PIP4P2: variants seen among roughly 807,000 people sequenced by gnomAD.
PIP4P2 encodes type 2 phosphatidylinositol 4,5-bisphosphate 4-phosphatase.
PIP4P2 carries 19 observed loss-of-function variants against 33.3 expected under a neutral mutation model. The ratio of observed to expected loss-of-function variants is 0.57; its 90% CI spans 0.40 to 0.84. The LOEUF is 0.84. Ranked by LOEUF, PIP4P2 falls within the 40% of genes least tolerant of loss-of-function variation. PIP4P2 has a pLI of 0.00. For missense variants in PIP4P2, 270 were observed against 324.7 expected (o/e 0.83, Z 1.29); for synonymous variants, 110 against 111.9 (o/e 0.98, Z 0.11).
At chr8:91,037,253 G>A (rs1206387555) in intron 1 of PIP4P2, among the ~76,000 whole-genome samples, 1 of 152,146 alleles carries the variant, frequency 6.6e-6, no homozygotes, top group Non-Finnish European at 1.5e-5. Flanking sequence ...GTCCCATTTT[G>A]CAGTGCATTT....
rs1047317768 is a variant in PIP4P2, at chr8:90,995,110, C to T, written c.*567G>A. On this transcript the variant is annotated 3_prime_UTR_variant, in exon 7 of 7. Transcript: ENST00000285419. The stretch of plus-strand genomic sequence containing the variant: ...CTACAAACAACAAAAAACAAGCAAA[C>T]AGTATCTAGAAATTTTTTTTCCTCT... 6 of 152,442 alleles carry T rather than the reference C, an allele frequency of 3.9e-5. No individual in the cohort carries two copies. Among genetic ancestry groups the T allele is most frequent in the Admixed American group, 2.0e-4 (3 of 15,274 alleles). The allele number at this position is 152,442 out of a possible 1,614,324, so 9.4% of individuals were successfully genotyped here. A position where few individuals can be genotyped will look rare whatever the true frequency, so the allele number is the denominator to read the frequency against.
intron 1 of PIP4P2, among the ~76,000 whole-genome samples, chr8:91,026,365 C>T (rs1812084744): frequency 6.6e-6 from 1 of 152,086 alleles, no homozygotes; most frequent in Admixed American, 6.6e-5. Flanking sequence ...TGTAGACCCC[C>T]ACACCAAATA....
intron 2 of PIP4P2, 108 bp from the exon 3 acceptor site, chr8:91,020,371 T>C: frequency 6.2e-6 from 6 of 972,038 alleles, no homozygotes; most frequent in Non-Finnish European, 9.6e-6. Context: ...ATGAAATATA[T>C]TGCTTTTGTA....
chr8:91,037,447 C>A (rs991839035), intron 1 of PIP4P2, among the ~76,000 whole-genome samples: 19 of 152,190 alleles, frequency 1.2e-4, no homozygotes, highest in Admixed American at 2.0e-4. Flanking sequence ...AGAAAGCCTT[C>A]CCCGACTCCC....
chr8:91,028,502 T>C (rs1461228342), intron 1 of PIP4P2, among the ~76,000 whole-genome samples: 1 of 152,226 alleles, frequency 6.6e-6, no homozygotes, highest in African/African-American at 2.4e-5. Context: ...TGATAGATGA[T>C]GTCTTAGCCC....
At chr8:91,032,387 A>G (rs1344234115) in intron 1 of PIP4P2, among the ~76,000 whole-genome samples, 1 of 152,190 alleles carries the variant, frequency 6.6e-6, no homozygotes, top group South Asian at 2.1e-4. Context: ...AAGCATAGAA[A>G]CCCTCATAAA....
chr8:91,020,256 T>C lies in PIP4P2; in HGVS notation c.263A>G (p.Lys88Arg). The change falls in exon 3 of 7, where the codon AAA becomes AGA. Residue 88 changes from lysine (K) to arginine (R), a missense_variant. Coordinates refer to ENST00000285419, the MANE Select transcript of PIP4P2 (RefSeq NM_018710.3). ...ATATTTCTTGCCTGTTGGGGGGTTT[T>C]TGATTGGCTGGATAAGGGAAGAAAA... ...CTVCNEATPI[K>R]NPPTGKKYVR... The C allele has an allele frequency of 1.2e-6, 2 of 1,613,698 alleles. No individual in the cohort carries two copies. The highest frequency in any genetic ancestry group is 4.5e-5 in the East Asian group (2 of 44,846).
intron 4 of PIP4P2, among the ~76,000 whole-genome samples, chr8:91,014,083 A>AT (rs1395544082): frequency 6.6e-6 from 1 of 152,204 alleles, no homozygotes; most frequent in African/African-American, 2.4e-5. Context: ...TACCATAAGG[A>AT]TAAAAAAAGA....
chr8:91,009,458 C>A (rs1022235269), intron 4 of PIP4P2, among the ~76,000 whole-genome samples: 2 of 151,916 alleles, frequency 1.3e-5, no homozygotes, highest in African/African-American at 4.8e-5. Context: ...AATCTTTATC[C>A]CATGAAATAT....
intron 1 of PIP4P2, among the ~76,000 whole-genome samples, chr8:91,037,855 T>C (rs534107345): frequency 6.6e-6 from 1 of 152,296 alleles, no homozygotes; most frequent in Non-Finnish European, 1.5e-5. Context: ...AACTACAAAA[T>C]TAGCAGATGT....
chr8:90,996,314 A>C (rs1586172553), intron 6 of PIP4P2, among the ~76,000 whole-genome samples: 1 of 152,222 alleles, frequency 6.6e-6, no homozygotes, highest in East Asian at 1.9e-4. Flanking sequence ...TCTGTAGCTG[A>C]ATGAATATTG....
chr8:90,996,507 A>AT, intron 6 of PIP4P2, 147 bp downstream of exon 6: 1 of 527,086 alleles, frequency 1.9e-6, no homozygotes. Flanking sequence ...TGGGTTTCTG[A>AT]TTGCTCATAA....
chr8:91,000,592 G>A (rs538536293), intron 5 of PIP4P2, among the ~76,000 whole-genome samples: 1 of 151,568 alleles, frequency 6.6e-6, no homozygotes, highest in African/African-American at 2.4e-5. Flanking sequence ...TTGTTTTCTG[G>A]CTTCTATTTT....
At chr8:91,016,972 A>G (rs547296562) in intron 4 of PIP4P2, among the ~76,000 whole-genome samples, 3 of 152,358 alleles carry the variant, frequency 2.0e-5, no homozygotes, top group African/African-American at 7.2e-5. Flanking sequence ...AATGTACCAC[A>G]TTGCTTGGTT....
chr8:91,009,405 T>TAACCA (rs1811802323), intron 4 of PIP4P2, among the ~76,000 whole-genome samples: 1 of 152,082 alleles, frequency 6.6e-6, no homozygotes, highest in Non-Finnish European at 1.5e-5. Flanking sequence ...ACTTACTGGT[T>TAACCA]GTAGATAGTC....
At chr8:91,014,860 G>A (rs944825155) in intron 4 of PIP4P2, among the ~76,000 whole-genome samples, 2 of 150,578 alleles carry the variant, frequency 1.3e-5, no homozygotes, top group South Asian at 2.1e-4. Flanking sequence ...TCACAGTATA[G>A]ACGTATATCA....
chr8:91,036,334 T>C (rs1238033386), intron 1 of PIP4P2, among the ~76,000 whole-genome samples: 1 of 152,178 alleles, frequency 6.6e-6, no homozygotes, highest in Non-Finnish European at 1.5e-5. Context: ...TTTGAAAGCA[T>C]CTGAAATACA....
intron 1 of PIP4P2, among the ~76,000 whole-genome samples, chr8:91,035,379 A>C (rs1812220344): frequency 6.6e-6 from 1 of 152,178 alleles, no homozygotes; most frequent in Non-Finnish European, 1.5e-5. Flanking sequence ...AACAAATATA[A>C]ACAACTGTCA....
Position 91,035,434 on chromosome 8 carries a change from T to A in PIP4P2, c.106+5210A>T, listed in dbSNP as rs35959184. Reference sequence around the variant, plus strand: ...CCATGACACTAACTTCAAAAGACATTTTTGGTCCTTACCATCTTTGCTCTT... The same window carrying A: ...CCATGACACTAACTTCAAAAGACATATTTGGTCCTTACCATCTTTGCTCTT... On this transcript the variant is annotated intron_variant, in intron 1 of 6. Transcript: ENST00000285419. Among the ~76,000 whole-genome samples, 24 of 152,306 alleles carry A rather than the reference T, an allele frequency of 1.6e-4. No homozygotes were observed. In the East Asian group the frequency reaches 4.4e-3, roughly 28 times the overall value.
Sources: gnomAD v4.1 joint callset for allele counts (sites outside exome capture counted in the v4.1 genomes callset) on GRCh38, gnomAD v4.1.1 for gene constraint, MANE v1.5 for transcripts, NCBI Gene and HGNC (gene_info 2026-07-23, HGNC 2026-07-21) for gene names.